Variants in ATXN1 observed in about 807,000 individuals in gnomAD.
ATXN1 encodes ataxin 1, also known as ataxin-1.
Under a neutral mutation model 56.4 loss-of-function variants are expected in ATXN1, and 8 were observed. That is an observed-to-expected ratio of 0.14 (90% CI 0.08 to 0.26). The LOEUF is 0.26. ATXN1 is among the 10% of genes least tolerant of loss of function. ATXN1 has a pLI of 1.00. For missense variants in ATXN1, 987 were observed against 1,106.5 expected, an observed-to-expected ratio of 0.89 and a Z score of 1.53; for synonymous variants, 514 against 494.6, an observed-to-expected ratio of 1.04 and a Z score of -0.52.
At chr6:16,599,468 T>C (rs1288956576) in intron 3 of ATXN1, among the ~76,000 whole-genome samples, 5 of 150,962 alleles carry the variant, frequency 3.3e-5, no homozygotes, top group African/African-American at 1.2e-4. Context: ...ATCCCAGCAT[T>C]TTGGGAGGCT....
At chr6:16,512,544 A>C (rs555735447) in intron 5 of ATXN1, among the ~76,000 whole-genome samples, 18 of 152,360 alleles carry the variant, frequency 1.2e-4, no homozygotes. Flanking sequence ...AAGCATTTAT[A>C]AAAGGTATTC....
Position 16,676,008 on chromosome 6 carries a change from A to G in ATXN1, c.-614-18107T>C, listed in dbSNP as rs528747556. Among the ~76,000 whole-genome samples the G allele has an allele frequency of 2.1e-3, 327 of 152,300 alleles. 1 individual carries two copies. The Middle Eastern group carries it at 0.024, about 11-fold the overall frequency. Reference sequence around the variant, plus strand: ...ATCATCATACATGTCTCCAATATAGAAAAATGCTGCATTCCCAAATGCTGC... The same window carrying G: ...ATCATCATACATGTCTCCAATATAGGAAAATGCTGCATTCCCAAATGCTGC... On this transcript the variant is annotated intron_variant, in intron 2 of 7. Coordinates refer to ENST00000436367, the MANE Select transcript of ATXN1 (RefSeq NM_001128164.2).
intron 2 of ATXN1, among the ~76,000 whole-genome samples, chr6:16,750,283 T>TG (rs1760670245): frequency 6.6e-6 from 1 of 152,226 alleles, no homozygotes; most frequent in Non-Finnish European, 1.5e-5. Flanking sequence ...CACCATGCAG[T>TG]AGTTTTAAAA....
At chr6:16,692,528 T>C (rs780286452) in intron 2 of ATXN1, among the ~76,000 whole-genome samples, 3 of 152,212 alleles carry the variant, frequency 2.0e-5, no homozygotes, top group Admixed American at 6.5e-5. Flanking sequence ...AAGACAATTA[T>C]ACCCAATTAA....
At chr6:16,603,506 A>C (rs1370246185) in intron 3 of ATXN1, among the ~76,000 whole-genome samples, 1 of 152,196 alleles carries the variant, frequency 6.6e-6, no homozygotes, top group African/African-American at 2.4e-5. Flanking sequence ...TTGAAAACAC[A>C]GTTCCATAAG....
intron 2 of ATXN1, among the ~76,000 whole-genome samples, chr6:16,674,661 G>C (rs1452443072): frequency 1.3e-5 from 2 of 151,748 alleles, no homozygotes; most frequent in Non-Finnish European, 2.9e-5. Context: ...CCTGCCTACA[G>C]AGAACTTCCT....
intron 1 of ATXN1, among the ~76,000 whole-genome samples, chr6:16,758,033 G>GA (rs199667837): frequency 1.5e-4 from 22 of 149,976 alleles, no homozygotes; most frequent in Admixed American, 6.0e-4. Context: ...CTTAGCTAAG[G>GA]AAAAAAAAAT....
chr6:16,556,226 T>C (rs1762011519), intron 4 of ATXN1, among the ~76,000 whole-genome samples: 1 of 152,184 alleles, frequency 6.6e-6, no homozygotes, highest in African/African-American at 2.4e-5. Context: ...GGAAAAAAAC[T>C]ACCCTAGTAA....
rs1308229440 is a variant in ATXN1, at chr6:16,761,428, G to A, written c.-860C>T. 4.4e-6 allele frequency: 2 copies of A among 456,610 alleles called. No individual in the cohort carries two copies. The highest frequency in any genetic ancestry group is 2.0e-5 in the African/African-American group (1 of 49,984). The allele number at this position is 456,610 out of a possible 1,614,324, so 28.3% of individuals were successfully genotyped here. A position where few individuals can be genotyped will look rare whatever the true frequency, so the allele number is the denominator to read the frequency against. ...TTTTGGATCCCCCTGCAGTGAAACA[G>A]GTCCTGTACGGCTCCGCCACTGTAG... is the stretch of plus-strand genomic sequence containing the variant. On this transcript the variant is annotated 5_prime_UTR_variant, in exon 1 of 8. Coordinates refer to ENST00000436367, the MANE Select transcript of ATXN1 (RefSeq NM_001128164.2).
At chr6:16,694,220 T>C (rs369422734) in intron 2 of ATXN1, among the ~76,000 whole-genome samples, 63 of 151,354 alleles carry the variant, frequency 4.2e-4, no homozygotes, top group African/African-American at 1.4e-3. Context: ...TTTAGTTTAC[T>C]GGGTAAGTTT....
At chr6:16,376,200 A>G (rs1460489275) in intron 6 of ATXN1, among the ~76,000 whole-genome samples, 1 of 152,262 alleles carries the variant, frequency 6.6e-6, no homozygotes, top group Non-Finnish European at 1.5e-5. Context: ...ATCAATTTTC[A>G]TGCTTCATTA....
At chr6:16,318,771 C>T (rs1199906262) in intron 7 of ATXN1, among the ~76,000 whole-genome samples, 2 of 152,192 alleles carry the variant, frequency 1.3e-5, no homozygotes, top group Non-Finnish European at 2.9e-5. Context: ...GGTAGCGTGG[C>T]TCACAGAGCT....
At chr6:16,471,515 G>A (rs894278350) in intron 6 of ATXN1, among the ~76,000 whole-genome samples, 3 of 152,128 alleles carry the variant, frequency 2.0e-5, no homozygotes, top group Admixed American at 6.6e-5. Flanking sequence ...TTAATATTAA[G>A]ATAAGTGACA....
chr6:16,750,597 A>G (rs1760680652), intron 2 of ATXN1, among the ~76,000 whole-genome samples: 1 of 152,246 alleles, frequency 6.6e-6, no homozygotes, highest in African/African-American at 2.4e-5. Flanking sequence ...GTCAGCGCTT[A>G]AAATTCAAGG....
intron 5 of ATXN1, among the ~76,000 whole-genome samples, chr6:16,509,874 C>T (rs981168118): frequency 1.3e-5 from 2 of 152,180 alleles, no homozygotes; most frequent in African/African-American, 4.8e-5. Flanking sequence ...TTCCCCATCA[C>T]AGGCATACGG....
chr6:16,715,939 A>G (rs1759630669), intron 2 of ATXN1, among the ~76,000 whole-genome samples: 1 of 152,160 alleles, frequency 6.6e-6, no homozygotes, highest in African/African-American at 2.4e-5. Context: ...ATGCACACTC[A>G]AGCCTAGAGG....
chr6:16,613,308 G>A (rs1408161239), intron 3 of ATXN1, among the ~76,000 whole-genome samples: 1 of 149,620 alleles, frequency 6.7e-6, no homozygotes, highest in Non-Finnish European at 1.5e-5. Context: ...ATTTTAAAAG[G>A]CTATTAATTA....
At chr6:16,685,216 T>C (rs1471652716) in intron 2 of ATXN1, among the ~76,000 whole-genome samples, 1 of 152,222 alleles carries the variant, frequency 6.6e-6, no homozygotes, top group African/African-American at 2.4e-5. Flanking sequence ...ATGCCATTTG[T>C]ATATTAGCTT....
intron 3 of ATXN1, among the ~76,000 whole-genome samples, chr6:16,640,830 C>CTGACAT (rs200803286): frequency 0.014 from 2,132 of 152,228 alleles, 53 homozygotes; most frequent in African/African-American, 0.048. Flanking sequence ...GCGAGGAAGG[C>CTGACAT]ATGTTGAAAG....
Sources: allele counts gnomAD v4.1 joint callset (sites outside exome capture counted in the v4.1 genomes callset), GRCh38; gene constraint gnomAD v4.1.1; transcripts MANE v1.5; gene names NCBI Gene and HGNC (gene_info 2026-07-23, HGNC 2026-07-21).